Variants in ATP8A2 observed in about 807,000 individuals in gnomAD.
The protein encoded by ATP8A2 is ATPase phospholipid transporting 8A2.
Under a neutral mutation model 165.6 loss-of-function variants are expected in ATP8A2, and 100 were observed. The ratio of observed to expected loss-of-function variants is 0.60; its 90% CI spans 0.51 to 0.71. ATP8A2 has a LOEUF of 0.71. Among genes scored for constraint, ATP8A2 ranks in the 30% least tolerant of loss-of-function variants. The probability of loss-of-function intolerance (pLI) is 0.00; values close to 1 mark genes in which losing one functional copy is unlikely to be tolerated. For missense variants in ATP8A2, 1,227 were observed against 1,479.5 expected (o/e 0.83, Z 2.80); for synonymous variants, 543 against 548.8 (o/e 0.99, Z 0.15).
At chr13:25,978,555 G>C (rs1956110576) in intron 35 of ATP8A2, among the ~76,000 whole-genome samples, 1 of 152,118 alleles carries the variant, frequency 6.6e-6, no homozygotes, top group Admixed American at 6.6e-5. Flanking sequence ...AGACTCCCAG[G>C]CCCCCCAGCA....
intron 33 of ATP8A2, among the ~76,000 whole-genome samples, chr13:25,902,873 C>G (rs1222272320): frequency 6.6e-6 from 1 of 151,508 alleles, no homozygotes; most frequent in Non-Finnish European, 1.5e-5. Flanking sequence ...TCCTAAATGT[C>G]TGTGGTCTTT....
At chr13:25,850,140 A>G (rs1951969231) in intron 30 of ATP8A2, among the ~76,000 whole-genome samples, 1 of 152,172 alleles carries the variant, frequency 6.6e-6, no homozygotes, top group African/African-American at 2.4e-5. Flanking sequence ...ATCTCAGTCT[A>G]GTTCCGGTAA....
chr13:25,497,774 T>G (rs1219066037), intron 2 of ATP8A2, among the ~76,000 whole-genome samples: 1 of 151,854 alleles, frequency 6.6e-6, no homozygotes, highest in African/African-American at 2.4e-5. Context: ...GCTAATACGG[T>G]GAAACCCTGT....
intron 25 of ATP8A2, among the ~76,000 whole-genome samples, chr13:25,751,025 G>A (rs772010499): frequency 6.6e-6 from 1 of 151,774 alleles, no homozygotes; most frequent in Non-Finnish European, 1.5e-5. Context: ...CTAGTACTGC[G>A]TCTTTGGTGG....
chr13:25,500,229 A>T (rs2036812120), intron 2 of ATP8A2, among the ~76,000 whole-genome samples: 1 of 152,204 alleles, frequency 6.6e-6, no homozygotes, highest in East Asian at 1.9e-4. Context: ...GAGGTGCCAC[A>T]CAAGTTATTA....
chr13:25,753,385 G>A (rs765896634), intron 25 of ATP8A2, among the ~76,000 whole-genome samples: 27 of 152,224 alleles, frequency 1.8e-4, no homozygotes, highest in Non-Finnish European at 3.4e-4. Flanking sequence ...GCTCTGGCTT[G>A]TGTGGTTATT....
chr13:25,531,325 G>GAT (rs57098297), intron 4 of ATP8A2, among the ~76,000 whole-genome samples: 22 of 73,194 alleles, frequency 3.0e-4, no homozygotes, highest in South Asian at 1.2e-3. Flanking sequence ...TGTTATATAT[G>GAT]ATATATATAT....
intron 25 of ATP8A2, among the ~76,000 whole-genome samples, chr13:25,730,165 C>A (rs1298239781): frequency 6.6e-6 from 1 of 152,066 alleles, no homozygotes; most frequent in Non-Finnish European, 1.5e-5. Context: ...GTGCCGTGTG[C>A]CTGTGGTTCC....
intron 25 of ATP8A2, among the ~76,000 whole-genome samples, chr13:25,728,884 A>T (rs1555256092): frequency 6.6e-6 from 1 of 152,200 alleles, no homozygotes; most frequent in Non-Finnish European, 1.5e-5. Flanking sequence ...TTTAGTTCTC[A>T]TATGCGTGCT....
rs1286201070 is a variant in ATP8A2, at chr13:26,023,283, A to G, written c.*3298A>G. 1.3e-5 allele frequency: 2 copies of G among 152,176 alleles called. No individual in the cohort carries two copies. The highest frequency in any genetic ancestry group is 2.9e-5 in the Non-Finnish European group (2 of 68,040). The allele number at this position is 152,176 out of a possible 1,614,324, so 9.4% of individuals were successfully genotyped here. On this transcript the variant is annotated 3_prime_UTR_variant, in exon 37 of 37. Transcript: ENST00000381655. ...ACTCTTTTGGTTCGGCACACCATAC[A>G]AAACGTGCTTTGGGGCGAGGAGTGC...
At chr13:25,601,309 G>A (rs2040379427) in intron 24 of ATP8A2, among the ~76,000 whole-genome samples, 1 of 150,818 alleles carries the variant, frequency 6.6e-6, no homozygotes, top group South Asian at 2.1e-4. Flanking sequence ...CGTGGTAAGC[G>A]ATCTACACAT....
intron 18 of ATP8A2, among the ~76,000 whole-genome samples, chr13:25,573,367 A>G (rs1052305362): frequency 6.6e-6 from 1 of 152,014 alleles, no homozygotes; most frequent in Non-Finnish European, 1.5e-5. Context: ...ATAATGCTGC[A>G]TTGACACCTC....
rs1002234494 is a variant in ATP8A2, at chr13:25,750,588, C to G, written c.2385-18458C>G. ...TAGATACTTTCAGTTCAGCAGGGCC[C>G]TTCGCCCCACCACGTGATGGGATTC... On this transcript the variant is annotated intron_variant, in intron 25 of 36. Coordinates refer to ENST00000381655, the MANE Select transcript of ATP8A2 (RefSeq NM_016529.6). This position sits in a 1 kb window ranked among gnomAD's most constrained non-coding sequence, Gnocchi z 4.3. Among the ~76,000 whole-genome samples the G allele has an allele frequency of 1.3e-5, 2 of 152,154 alleles. No homozygotes were observed. Among genetic ancestry groups the G allele is most frequent in the African/African-American group, 2.4e-5 (1 of 41,438 alleles).
At chr13:25,625,827 CA>C (rs1264178569) in intron 24 of ATP8A2, among the ~76,000 whole-genome samples, 1 of 152,164 alleles carries the variant, frequency 6.6e-6, no homozygotes, top group African/African-American at 2.4e-5. Context: ...ATCCTCACAA[CA>C]GCCTATGATG....
At chr13:25,964,978 G>A (rs1955746703) in intron 34 of ATP8A2, among the ~76,000 whole-genome samples, 1 of 152,166 alleles carries the variant, frequency 6.6e-6, no homozygotes, top group South Asian at 2.1e-4. Context: ...CGGCCAACAT[G>A]GTGAAACCCT....
chr13:25,427,662 G>A (rs138214760), intron 1 of ATP8A2, among the ~76,000 whole-genome samples: 3,596 of 151,146 alleles, frequency 0.024, 71 homozygotes, highest in South Asian at 0.11. Flanking sequence ...TTGGGAGGCC[G>A]AGGCAGGTGG....
intron 24 of ATP8A2, among the ~76,000 whole-genome samples, chr13:25,626,598 A>G (rs1466865972): frequency 6.6e-6 from 1 of 152,176 alleles, no homozygotes; most frequent in Non-Finnish European, 1.5e-5. Flanking sequence ...AACTGTGGGA[A>G]GGTAGACGAA....
intron 33 of ATP8A2, among the ~76,000 whole-genome samples, chr13:25,958,268 C>G (rs548208810): frequency 1.3e-5 from 2 of 151,378 alleles, no homozygotes; most frequent in Non-Finnish European, 2.9e-5. Flanking sequence ...TGCATATGTT[C>G]TGCACATGTA....
chr13:25,402,471 T>C (rs1419194866), intron 1 of ATP8A2, among the ~76,000 whole-genome samples: 3 of 152,172 alleles, frequency 2.0e-5, no homozygotes, highest in Non-Finnish European at 4.4e-5. Flanking sequence ...CCTTTAAAAA[T>C]AGCATCGTTT....
Sources: gnomAD v4.1 joint callset for allele counts (sites outside exome capture counted in the v4.1 genomes callset) on GRCh38, gnomAD v4.1.1 for gene constraint, Gnocchi (gnomAD v3.1) non-coding constraint, MANE v1.5 for transcripts, NCBI Gene and HGNC (gene_info 2026-07-23, HGNC 2026-07-21) for gene names.